The following EFCAB10 variants were observed in gnomAD, a reference collection of about 807,000 sequenced individuals.
EFCAB10 encodes the protein EF-hand calcium-binding domain-containing protein 10.
A neutral mutation model predicts 7.7 loss-of-function variants in EFCAB10; 7 were observed. The observed-to-expected ratio is 0.91, with a 90% confidence interval of 0.52 to 1.72. The LOEUF is 1.72. EFCAB10 is among the 40% of genes most tolerant of loss of function. The probability of loss-of-function intolerance (pLI) is 0.00; values close to 1 mark genes in which losing one functional copy is unlikely to be tolerated. For synonymous variants in EFCAB10, 52 were observed against 21.0 expected (o/e 2.47, Z -4.03); for missense variants, 112 against 61.5 (o/e 1.82, Z -2.74).
chr7:105,567,335 T>C (rs1586279165), intron 4 of EFCAB10, 132 bp downstream of exon 4: 1 of 1,526,736 alleles, frequency 6.5e-7, no homozygotes, highest in Admixed American at 2.0e-5. Flanking sequence ...AAGGTTTCTT[T>C]GGTTTTTGTT....
chr7:105,580,815 T>C (rs1792210944), intron 1 of EFCAB10, among the ~76,000 whole-genome samples: 1 of 152,132 alleles, frequency 6.6e-6, no homozygotes, highest in South Asian at 2.1e-4. Flanking sequence ...CACTCCCAAA[T>C]TACAAAACGA....
chr7:105,574,153 C>CAT (rs1562868164), intron 1 of EFCAB10, among the ~76,000 whole-genome samples: 11 of 139,022 alleles, frequency 7.9e-5, no homozygotes, highest in Admixed American at 2.3e-4. Flanking sequence ...TATACACATA[C>CAT]ATATATATAC....
intron 1 of EFCAB10, among the ~76,000 whole-genome samples, 191 bp downstream of exon 1, chr7:105,581,167 T>C (rs1476138753): frequency 6.6e-6 from 1 of 152,106 alleles, no homozygotes; most frequent in Non-Finnish European, 1.5e-5. Flanking sequence ...AGGTGGAGGT[T>C]GTAGTGAAAT....
chr7:105,567,128 A>G lies in EFCAB10; in HGVS notation c.383+339T>C, dbSNP rs746546697. The G allele has an allele frequency of 1.3e-6, 2 of 1,565,420 alleles. No individual in the cohort carries two copies. The highest frequency in any genetic ancestry group is 2.3e-5 in the East Asian group (1 of 44,120). ...TGTTTTCCCTAAACAGTATAAAAGA[A>G]GCCTGTATTGTTTTGAATTTGAACG... On this transcript the variant is annotated intron_variant, in intron 4 of 4. Transcript: ENST00000480514.
intron 1 of EFCAB10, chr7:105,572,903 C>G (rs1336353711): frequency 6.6e-6 from 1 of 151,672 alleles, no homozygotes; most frequent in Non-Finnish European, 1.5e-5. Context: ...TTTGCATTCA[C>G]CCGATTAGTG....
intron 4 of EFCAB10, chr7:105,567,015 T>TGTGGACCAGCA (rs1791787882): frequency 1.7e-6 from 1 of 582,814 alleles, no homozygotes; most frequent in Non-Finnish European, 2.8e-6. Flanking sequence ...ATAGAGAACA[T>TGTGGACCAGCA]GTGGACCAGC....
intron 1 of EFCAB10, 36 bp from the exon 2 acceptor site, chr7:105,569,607 A>G (rs1213338071): frequency 1.5e-6 from 1 of 681,864 alleles, no homozygotes; most frequent in Admixed American, 2.2e-5. Flanking sequence ...TCTGATACGA[A>G]ATTAAAATAT....
In EFCAB10 at chr7:105,565,248, AT is replaced by A. The variant is rs2133474511; in HGVS notation, c.*198del. On this transcript the variant is annotated 3_prime_UTR_variant, in exon 5 of 5. Transcript: ENST00000480514. ...ACTTGAAAAATAGAAACTGATGAAA[AT>A]TTTTTGGTAAAAATGTGTTTTTTCC... 1.3e-6 allele frequency: 2 copies of A among 1,560,084 alleles called. No individual in the cohort carries two copies. The highest frequency in any genetic ancestry group is 2.4e-5 in the South Asian group (2 of 84,434).
intron 1 of EFCAB10, 44 bp downstream of exon 1, chr7:105,581,314 C>G (rs759386838): frequency 3.0e-5 from 21 of 696,794 alleles, no homozygotes; most frequent in Non-Finnish European, 5.5e-5. Flanking sequence ...GGGAAGCGAA[C>G]CCCACATGGA....
chr7:105,572,542 C>T (rs1791976327), intron 1 of EFCAB10: 1 of 152,150 alleles, frequency 6.6e-6, no homozygotes, highest in South Asian at 2.1e-4. Context: ...TGGATATATA[C>T]CCAGTGGTGG....
Position 105,569,294 on chromosome 7 carries a change from T to G in EFCAB10, c.272-4A>C, listed in dbSNP as rs143322866. On this transcript the variant is annotated splice_region_variant and splice_polypyrimidine_tract_variant and intron_variant, in intron 2 of 4. Coordinates refer to ENST00000480514, the MANE Select transcript of EFCAB10 (RefSeq NM_001355526.2). ...CATAGACCCAGGGTTTTTAGGGCTG[T>G]AAAATAATGAGAAGAAATGAAGTGA... 146 of 699,282 alleles carry G rather than the reference T, an allele frequency of 2.1e-4. 2 individuals carry two copies. The East Asian group carries it at 3.7e-3, about 18-fold the overall frequency. The allele number at this position is 699,282 out of a possible 1,614,324, so 43.3% of individuals were successfully genotyped here.
chr7:105,570,878 AGCCGG>A (rs982186458), intron 1 of EFCAB10, among the ~76,000 whole-genome samples: 3 of 152,096 alleles, frequency 2.0e-5, no homozygotes, highest in Admixed American at 2.0e-4. Flanking sequence ...ACAAAAACTT[AGCCGG>A]GCGTGGTGAC....
At chr7:105,576,669 A>ATCCT (rs1792088818) in intron 1 of EFCAB10, among the ~76,000 whole-genome samples, 1 of 151,910 alleles carries the variant, frequency 6.6e-6, no homozygotes, top group South Asian at 2.1e-4. Context: ...TGGCCTCGAT[A>ATCCT]TCCTGACCTC....
intron 1 of EFCAB10, among the ~76,000 whole-genome samples, chr7:105,574,534 G>A (rs2133526794): frequency 6.6e-6 from 1 of 151,944 alleles, no homozygotes; most frequent in South Asian, 2.1e-4. Context: ...GCCCAGGCTG[G>A]AGTGCAGAGG....
chr7:105,574,981 G>T (rs1157557893), intron 1 of EFCAB10, among the ~76,000 whole-genome samples: 1 of 151,208 alleles, frequency 6.6e-6, no homozygotes, highest in East Asian at 2.0e-4. Context: ...CAGGCATAGT[G>T]GTGCGTGCCT....
At chr7:105,567,585 T>C in intron 3 of EFCAB10, 95 bp from the exon 4 acceptor site, 2 of 598,656 alleles carry the variant, frequency 3.3e-6, no homozygotes, top group South Asian at 4.1e-5. Flanking sequence ...AGCAGAGATA[T>C]TAAATTATAA....
Position 105,565,731 on chromosome 7 carries a change from A to G in EFCAB10, c.*-284T>C, listed in dbSNP as rs937791203. 118 of 896,880 alleles carry G rather than the reference A, an allele frequency of 1.3e-4. 1 individual carries two copies. The Middle Eastern group carries it at 1.4e-3, about 10-fold the overall frequency. 55.6% of individuals were successfully genotyped at this position (896,880 alleles called of 1,614,324 possible). ...TCCTTTTAACTTTAGGGTTCTGGAGATGTTTGGGTGGGATAAGATCAGTTG... is the reference window on the plus strand; with the variant it reads ...TCCTTTTAACTTTAGGGTTCTGGAGGTGTTTGGGTGGGATAAGATCAGTTG... On this transcript the variant is annotated intron_variant, in intron 4 of 4. Transcript: ENST00000480514.
rs58936582 is a variant in EFCAB10 at position 105,574,245 on chromosome 7, GTATA to G, written c.107-4678_107-4675del. 7.2e-3 allele frequency among the ~76,000 whole-genome samples: 1,036 copies of G among 143,726 alleles called. 14 individuals carry two copies. Among genetic ancestry groups the G allele is most frequent in the East Asian group, 0.04 (200 of 4,958 alleles). The allele number at this position is 143,726 out of a possible 152,430, so 94.3% of individuals were successfully genotyped here. A position where few individuals can be genotyped will look rare whatever the true frequency, so the allele number is the denominator to read the frequency against. ...CCGTATATGTACACACATATATACAGTATATATATATATATATACATATACACAG... is the reference window on the plus strand; with the variant it reads ...CCGTATATGTACACACATATATACAGTATATATATATATACATATACACAG... On this transcript the variant is annotated intron_variant, in intron 1 of 4. Coordinates refer to ENST00000480514, the MANE Select transcript of EFCAB10 (RefSeq NM_001355526.2).
chr7:105,570,738 G>T (rs559134640), intron 1 of EFCAB10, among the ~76,000 whole-genome samples: 1 of 152,122 alleles, frequency 6.6e-6, no homozygotes, highest in East Asian at 1.9e-4. Flanking sequence ...AAAAATTTAA[G>T]TAACAGCTGG....
Sources: allele counts gnomAD v4.1 joint callset (sites outside exome capture counted in the v4.1 genomes callset), GRCh38; gene constraint gnomAD v4.1.1; transcripts MANE v1.5; gene names NCBI Gene and HGNC (gene_info 2026-07-23, HGNC 2026-07-21).